The following PNO1 variants were observed in gnomAD, a reference collection of about 807,000 sequenced individuals.
PNO1 encodes partner of NOB1 homolog.
A neutral mutation model predicts 28.4 loss-of-function variants in PNO1; 16 were observed. That is an observed-to-expected ratio of 0.56 (90% CI 0.38 to 0.85). The LOEUF is 0.85. PNO1 is among the 40% of genes least tolerant of loss of function. The pLI is 0.00. For synonymous variants in PNO1, 115 were observed against 110.8 expected, an observed-to-expected ratio of 1.04 and a Z score of -0.24; for missense variants, 304 against 312.2, an observed-to-expected ratio of 0.97 and a Z score of 0.20.
intron 5 of PNO1, among the ~76,000 whole-genome samples, chr2:68,165,161 G>A (rs964732686): frequency 1.3e-5 from 2 of 151,138 alleles, no homozygotes; most frequent in African/African-American, 4.9e-5. Context: ...TCAGGAGATC[G>A]AGACCATCCC....
chr2:68,174,688 A>G (rs751044125), intron 6 of PNO1, 47 bp from the exon 7 acceptor site: 15 of 1,334,684 alleles, frequency 1.1e-5, no homozygotes, highest in Non-Finnish European at 1.4e-5. Flanking sequence ...TGTAGGCGCT[A>G]TAAATGTGAG....
Position 68,176,145 on chromosome 2 carries a change from G to A in PNO1, c.*1343G>A, listed in dbSNP as rs1158993712. The A allele has an allele frequency of 1.3e-5, 2 of 152,104 alleles. No homozygotes were observed. Among genetic ancestry groups the A allele is most frequent in the African/African-American group, 4.8e-5 (2 of 41,414 alleles). The allele number at this position is 152,104 out of a possible 1,614,324, so 9.4% of individuals were successfully genotyped here. On this transcript the variant is annotated 3_prime_UTR_variant, in exon 7 of 7. Transcript: ENST00000263657. ...ACCCAAAAAACTATGCTCTATAAAT[G>A]CAGATTAGCTAGTTTCTGCCTGTTT... is the stretch of plus-strand genomic sequence containing the variant.
chr2:68,159,226 A>G lies in PNO1; in HGVS notation c.357+697A>G, dbSNP rs577016923. On this transcript the variant is annotated intron_variant, in intron 2 of 6. Coordinates refer to ENST00000263657, the MANE Select transcript of PNO1 (RefSeq NM_020143.4). ...TGGTGCTCTTTTGATTAAAAAATGT[A>G]TTATTTTGATAAGAAACATGCATAT... 2.0e-5 allele frequency among the ~76,000 whole-genome samples: 3 copies of G among 151,614 alleles called. No individual in the cohort carries two copies. In the East Asian group the frequency reaches 5.8e-4, roughly 29 times the overall value.
chr2:68,170,311 T>C (rs901903047), intron 5 of PNO1, among the ~76,000 whole-genome samples: 1 of 152,210 alleles, frequency 6.6e-6, no homozygotes, highest in Non-Finnish European at 1.5e-5. Flanking sequence ...GAAGCCTCCA[T>C]TCCTTTCCAA....
At chr2:68,163,936 G>T (rs189375352) in intron 5 of PNO1, among the ~76,000 whole-genome samples, 1 of 152,216 alleles carries the variant, frequency 6.6e-6, no homozygotes, top group African/African-American at 2.4e-5. Context: ...GGAGGGTTCT[G>T]CCTATGACTA....
intron 5 of PNO1, 39 bp downstream of exon 5, chr2:68,162,702 A>G (rs755845429): frequency 1.6e-6 from 2 of 1,217,902 alleles, no homozygotes; most frequent in African/African-American, 3.0e-5. Context: ...GTCATAATTT[A>G]TATTTGATCT....
Position 68,175,101 on chromosome 2 carries a change from CTT to C in PNO1, c.*300_*301del, listed in dbSNP as rs1674240632. On this transcript the variant is annotated 3_prime_UTR_variant, in exon 7 of 7. Coordinates refer to ENST00000263657, the MANE Select transcript of PNO1 (RefSeq NM_020143.4). The stretch of plus-strand genomic sequence containing the variant: ...AGTCTGTAATCCTCTCAGAGGGAAA[CTT>C]CTTGTTTAAACAGCTCTATATGGAT... 1 of 245,118 alleles carries C rather than the reference CTT, an allele frequency of 4.1e-6. No homozygotes were observed. The highest frequency in any genetic ancestry group is 2.2e-5 in the African/African-American group (1 of 44,684). 15.2% of individuals were successfully genotyped at this position (245,118 alleles called of 1,614,324 possible).
chr2:68,161,704 G>A lies in PNO1; in HGVS notation c.379G>A (p.Val127Ile), dbSNP rs752779165. The A allele has an allele frequency of 1.1e-5, 18 of 1,612,174 alleles. No individual in the cohort carries two copies. Among genetic ancestry groups the A allele is most frequent in the Non-Finnish European group, 1.4e-5 (17 of 1,178,516 alleles). ...ACAGACTTGTAAAGAAACCAAGGAT[G>A]TTAGTGCTCTGACAAAAGCAGCTGA... ...EIRTCKETKD[V>I]SALTKAADFV... Residue 127 changes from valine to isoleucine, a missense_variant, in exon 3 of 7, where the codon GTT becomes ATT. Val to Ile is a conservative substitution (Grantham distance 29, BLOSUM62 3). Transcript: ENST00000263657.
At chr2:68,173,671 C>T (rs1403249247) in intron 6 of PNO1, among the ~76,000 whole-genome samples, 2 of 150,082 alleles carry the variant, frequency 1.3e-5, no homozygotes, top group Non-Finnish European at 1.5e-5. Flanking sequence ...CAACCTCTGC[C>T]TCCCAAGTTC....
rs1411369752 is a variant in PNO1, at chr2:68,175,074, A to G, written c.*272A>G. 4 of 315,270 alleles carry G rather than the reference A, an allele frequency of 1.3e-5. No individual in the cohort carries two copies. Among genetic ancestry groups the G allele is most frequent in the South Asian group, 7.3e-5 (1 of 13,676 alleles). The allele number at this position is 315,270 out of a possible 1,614,324, so 19.5% of individuals were successfully genotyped here. On this transcript the variant is annotated 3_prime_UTR_variant, in exon 7 of 7. Transcript: ENST00000263657. ...TCTGAAATCACATGTAGCAGATTGCATAGTCTGTAATCCTCTCAGAGGGAA... is the reference window on the plus strand; with the variant it reads ...TCTGAAATCACATGTAGCAGATTGCGTAGTCTGTAATCCTCTCAGAGGGAA...
In PNO1 at chr2:68,175,893, A is replaced by G. The variant is rs371855423; in HGVS notation, c.*1091A>G. 45 of 152,350 alleles carry G rather than the reference A, an allele frequency of 3.0e-4. No homozygotes were observed. Among genetic ancestry groups the G allele is most frequent in the African/African-American group, 1.0e-3 (43 of 41,584 alleles). The allele number at this position is 152,350 out of a possible 1,614,324, so 9.4% of individuals were successfully genotyped here. A position where few individuals can be genotyped will look rare whatever the true frequency, so the allele number is the denominator to read the frequency against. ...AGGGCTCCGAACACTACATTAGCCT[A>G]CAGTTGGGCAAAATCGTCTAATACA... On this transcript the variant is annotated 3_prime_UTR_variant, in exon 7 of 7. Coordinates refer to ENST00000263657, the MANE Select transcript of PNO1 (RefSeq NM_020143.4).
chr2:68,162,957 GTTGAATA>G (rs529613118), intron 5 of PNO1, among the ~76,000 whole-genome samples: 33 of 152,288 alleles, frequency 2.2e-4, no homozygotes, highest in Non-Finnish European at 4.4e-4. Flanking sequence ...ATGACAGAGT[GTTGAATA>G]TTGAATACTG....
Position 68,165,363 on chromosome 2 carries a change from C to CAAAAA in PNO1, c.620+2712_620+2716dup, listed in dbSNP as rs770897170. Among the ~76,000 whole-genome samples, 201 of 24,782 alleles carry CAAAAA rather than the reference C, an allele frequency of 8.1e-3. 3 individuals are homozygous for CAAAAA. Among genetic ancestry groups the CAAAAA allele is most frequent in the Middle Eastern group, 0.019 (1 of 52 alleles). 16.3% of individuals were successfully genotyped at this position (24,782 alleles called of 152,430 possible). ...TGGGCGACAGAGCGAGACTCCGTCT[C>CAAAAA]AAAAAAAAAAAAAAAACAACAAAAA... On this transcript the variant is annotated intron_variant, in intron 5 of 6. Transcript: ENST00000263657.
intron 5 of PNO1, among the ~76,000 whole-genome samples, chr2:68,165,280 C>T (rs113447460): frequency 0.037 from 5,502 of 147,476 alleles, 307 homozygotes; most frequent in African/African-American, 0.12. Context: ...AGGAGAATGG[C>T]GTGAACCCGG....
intron 2 of PNO1, among the ~76,000 whole-genome samples, chr2:68,159,866 C>T (rs756597926): frequency 2.0e-5 from 3 of 151,772 alleles, no homozygotes; most frequent in Non-Finnish European, 4.4e-5. Context: ...TGTTTGACGT[C>T]TCTCCTTTCT....
At chr2:68,167,794 T>C (rs1413124149) in intron 5 of PNO1, among the ~76,000 whole-genome samples, 1 of 152,224 alleles carries the variant, frequency 6.6e-6, no homozygotes, top group African/African-American at 2.4e-5. Context: ...GCCACCTCTT[T>C]CTAACATTAT....
chr2:68,174,658 CT>C, intron 6 of PNO1, 76 bp from the exon 7 acceptor site: 1 of 956,750 alleles, frequency 1.0e-6, no homozygotes, highest in Non-Finnish European at 1.7e-6. Context: ...ACCAGTCTTC[CT>C]TAGACACTGA....
intron 2 of PNO1, among the ~76,000 whole-genome samples, chr2:68,159,649 C>T (rs1001865826): frequency 6.6e-6 from 1 of 152,066 alleles, no homozygotes; most frequent in African/African-American, 2.4e-5. Context: ...ATTCTTTTAC[C>T]ATCATCCGGA....
At position 68,168,929 on chromosome 2, in the gene PNO1, T is replaced by C. The variant is rs1478971197; in HGVS notation, c.621-4418T>C. Among the ~76,000 whole-genome samples the C allele has an allele frequency of 8.1e-5, 11 of 135,948 alleles. No homozygotes were observed. In the South Asian group the frequency reaches 1.3e-3, roughly 15 times the overall value. 89.2% of individuals were successfully genotyped at this position (135,948 alleles called of 152,430 possible). A position where few individuals can be genotyped will look rare whatever the true frequency, so the allele number is the denominator to read the frequency against. On this transcript the variant is annotated intron_variant, in intron 5 of 6. Coordinates refer to ENST00000263657, the MANE Select transcript of PNO1 (RefSeq NM_020143.4). ...AGCAATTCAGCTTTTTTCTTTTTTT[T>C]TTTTTTTTTTTTTTTTTGAGATGGA...
Sources: allele counts gnomAD v4.1 joint callset (sites outside exome capture counted in the v4.1 genomes callset), GRCh38; gene constraint gnomAD v4.1.1; transcripts MANE v1.5; gene names NCBI Gene and HGNC (gene_info 2026-07-23, HGNC 2026-07-21).